Variants in B3GLCT observed in about 807,000 individuals in gnomAD.
B3GLCT encodes beta 3-glucosyltransferase.
B3GLCT carries 65 observed loss-of-function variants against 63.4 expected under a neutral mutation model. The observed-to-expected ratio is 1.03, with a 90% CI of 0.84 to 1.26. The LOEUF (loss-of-function observed/expected upper bound fraction) is 1.26. Ranked by LOEUF, B3GLCT falls within the 50% of genes most tolerant of loss-of-function variation. The pLI, the probability that B3GLCT is intolerant of heterozygous loss-of-function variation, is 0.00. For missense variants in B3GLCT, 577 were observed against 604.8 expected, an observed-to-expected ratio of 0.95 and a Z score of 0.48; for synonymous variants, 233 against 219.2, an observed-to-expected ratio of 1.06 and a Z score of -0.55.
chr13:31,280,259 AG>A (rs1873002752), intron 10 of B3GLCT, among the ~76,000 whole-genome samples: 1 of 152,258 alleles, frequency 6.6e-6, no homozygotes, highest in Non-Finnish European at 1.5e-5. Context: ...CAGTAAAGAC[AG>A]GCATAAGAAA....
chr13:31,203,885 G>A (rs973071906), intron 1 of B3GLCT, among the ~76,000 whole-genome samples: 35 of 152,182 alleles, frequency 2.3e-4, no homozygotes, highest in African/African-American at 7.5e-4. Context: ...TAACGTAGGC[G>A]TTGACTTGAA....
chr13:31,323,729 T>C, intron 13 of B3GLCT, 22 bp from the exon 14 acceptor site: 1 of 1,613,864 alleles, frequency 6.2e-7, no homozygotes, highest in Non-Finnish European at 8.5e-7. Flanking sequence ...CTAACCCCTT[T>C]CTCTGCTCTG....
intron 9 of B3GLCT, among the ~76,000 whole-genome samples, chr13:31,274,951 G>A (rs540385777): frequency 2.0e-4 from 31 of 152,338 alleles, no homozygotes; most frequent in South Asian, 1.2e-3. Context: ...AGAACATGCA[G>A]TATTTGGTTT....
chr13:31,214,587 G>A (rs1189069991), intron 1 of B3GLCT, among the ~76,000 whole-genome samples: 1 of 152,178 alleles, frequency 6.6e-6, no homozygotes, highest in East Asian at 1.9e-4. Flanking sequence ...TAACCTTGCA[G>A]CCCTTAGGAA....
intron 1 of B3GLCT, among the ~76,000 whole-genome samples, chr13:31,210,851 C>T (rs1042978575): frequency 9.2e-5 from 14 of 152,012 alleles, no homozygotes; most frequent in African/African-American, 3.4e-4. Flanking sequence ...TACAAGGAGT[C>T]CTCCCACCTC....
At chr13:31,310,520 G>C (rs531047633) in intron 12 of B3GLCT, among the ~76,000 whole-genome samples, 2 of 152,302 alleles carry the variant, frequency 1.3e-5, no homozygotes, top group East Asian at 3.9e-4. Context: ...CCCTGAGCCA[G>C]AGCTGTAACA....
chr13:31,324,977 G>A (rs1279343499), intron 14 of B3GLCT, among the ~76,000 whole-genome samples: 3 of 152,142 alleles, frequency 2.0e-5, no homozygotes, highest in Non-Finnish European at 2.9e-5. Context: ...AAAGTGCCAG[G>A]ATTACAGATG....
intron 1 of B3GLCT, among the ~76,000 whole-genome samples, chr13:31,204,522 C>T (rs1487068891): frequency 6.6e-6 from 1 of 151,884 alleles, no homozygotes; most frequent in African/African-American, 2.4e-5. Context: ...GTGAAGGAGC[C>T]AAGTGGAGAA....
intron 7 of B3GLCT, among the ~76,000 whole-genome samples, chr13:31,265,166 G>A (rs564085142): frequency 4.6e-5 from 7 of 152,242 alleles, no homozygotes; most frequent in Admixed American, 2.6e-4. Flanking sequence ...TAACAGTTGC[G>A]CAGGAATTTC....
chr13:31,323,829 T>C lies in B3GLCT; in HGVS notation c.1263T>C (p.Asp421=), dbSNP rs1875460472. Residue 421 remains aspartate (D), a synonymous_variant, in exon 14 of 15, where the codon GAT becomes GAC. Transcript: ENST00000343307. ...CRCYSNDAPD[D]MVLGMCFSGL... Reference sequence around the variant, plus strand: ...GCTACAGCAATGATGCTCCCGATGATATGGTCCTGGGAATGTGCTTTAGTG... The same window carrying C: ...GCTACAGCAATGATGCTCCCGATGACATGGTCCTGGGAATGTGCTTTAGTG... 1 of 1,614,104 alleles carries C rather than the reference T, an allele frequency of 6.2e-7. No homozygotes were observed. Among genetic ancestry groups the C allele is most frequent in the Non-Finnish European group, 8.5e-7 (1 of 1,179,970 alleles).
chr13:31,256,302 A>G (rs1325498958), intron 6 of B3GLCT, among the ~76,000 whole-genome samples: 3 of 152,218 alleles, frequency 2.0e-5, no homozygotes, highest in East Asian at 1.9e-4. Context: ...GGATGTGGAG[A>G]AGTGGGAATG....
At chr13:31,290,303 G>C (rs1344671820) in intron 12 of B3GLCT, among the ~76,000 whole-genome samples, 1 of 152,158 alleles carries the variant, frequency 6.6e-6, no homozygotes, top group Non-Finnish European at 1.5e-5. Context: ...CTTTGCTATT[G>C]TGAATAGTGC....
intron 4 of B3GLCT, among the ~76,000 whole-genome samples, chr13:31,240,139 A>T (rs1870853756): frequency 6.7e-6 from 1 of 148,986 alleles, no homozygotes; most frequent in African/African-American, 2.6e-5. Context: ...CCCCCTCTCT[A>T]AAAAAAAATC....
chr13:31,326,670 A>G lies in B3GLCT; in HGVS notation c.1329+2775A>G, dbSNP rs185530519. 3.1e-3 allele frequency among the ~76,000 whole-genome samples: 463 copies of G among 151,714 alleles called. 2 individuals carry two copies. The highest frequency in any genetic ancestry group is 0.011 in the African/African-American group (440 of 41,340). On this transcript the variant is annotated intron_variant, in intron 14 of 14. Transcript: ENST00000343307. ...GTGTCTGTTCCTCAAGTTCTTCACC[A>G]CCCCTCATCCTGCCTGTTTGGGATT...
At chr13:31,241,855 A>T (rs138399057) in intron 4 of B3GLCT, among the ~76,000 whole-genome samples, 97 of 152,190 alleles carry the variant, frequency 6.4e-4, no homozygotes, top group African/African-American at 2.3e-3. Flanking sequence ...TGATGAGTTC[A>T]TTTTTGGAAA....
intron 5 of B3GLCT, among the ~76,000 whole-genome samples, chr13:31,247,638 G>A (rs1871254515): frequency 6.6e-6 from 1 of 152,142 alleles, no homozygotes; most frequent in Non-Finnish European, 1.5e-5. Flanking sequence ...TTTATCCCCT[G>A]AACTAGTGTT....
At chr13:31,216,786 C>A (rs9599220) in intron 2 of B3GLCT, among the ~76,000 whole-genome samples, 93,212 of 152,080 alleles carry the variant, frequency 0.61, 30,153 homozygotes, top group Middle Eastern at 0.75. Context: ...TGTTCTCATT[C>A]TTTTTTATGG....
intron 7 of B3GLCT, among the ~76,000 whole-genome samples, chr13:31,264,595 AT>A (rs1282466716): frequency 1.3e-5 from 2 of 152,242 alleles, no homozygotes; most frequent in Non-Finnish European, 2.9e-5. Flanking sequence ...AGCAAATGAT[AT>A]AACCCATCTA....
At chr13:31,201,295 T>G (rs1412053587) in intron 1 of B3GLCT, among the ~76,000 whole-genome samples, 1 of 152,248 alleles carries the variant, frequency 6.6e-6, no homozygotes, top group Non-Finnish European at 1.5e-5. Context: ...AAGGATTAAT[T>G]TGCTGCATTT....
Sources: allele counts gnomAD v4.1 joint callset (sites outside exome capture counted in the v4.1 genomes callset), GRCh38; gene constraint gnomAD v4.1.1; transcripts MANE v1.5; gene names NCBI Gene and HGNC (gene_info 2026-07-23, HGNC 2026-07-21).